Variants in CLOCK observed in about 807,000 individuals in gnomAD.
CLOCK encodes the protein circadian locomoter output cycles protein kaput.
In CLOCK, 43 loss-of-function variants were observed where a neutral mutation model predicts 118.4. That is an observed-to-expected ratio of 0.36 (90% CI 0.28 to 0.47). The LOEUF (loss-of-function observed/expected upper bound fraction) is 0.47, where lower values mean the gene tolerates loss of function less well. CLOCK is among the 20% of genes least tolerant of loss of function. The pLI, the probability that CLOCK is intolerant of heterozygous loss-of-function variation, is 1.00. For synonymous variants in CLOCK, 326 were observed against 339.2 expected (o/e 0.96, Z 0.43); for missense variants, 846 against 999.9 (o/e 0.85, Z 2.08).
chr4:55,480,178 T>C (rs558993571), intron 4 of CLOCK, among the ~76,000 whole-genome samples: 7 of 152,364 alleles, frequency 4.6e-5, no homozygotes, highest in African/African-American at 1.4e-4. Flanking sequence ...ATTTGACAAA[T>C]ATGTATTAGC....
chr4:55,498,365 T>G (rs1262006816), intron 2 of CLOCK, among the ~76,000 whole-genome samples: 1 of 152,138 alleles, frequency 6.6e-6, no homozygotes, highest in Non-Finnish European at 1.5e-5. Context: ...CTGAAAAGTA[T>G]TTCAAAGAAG....
At chr4:55,445,968 A>G (rs1001793031) in intron 18 of CLOCK, among the ~76,000 whole-genome samples, 4 of 151,654 alleles carry the variant, frequency 2.6e-5, no homozygotes, top group Admixed American at 2.6e-4. Context: ...ATAATTTTTT[A>G]TATTATTCCT....
intron 1 of CLOCK, among the ~76,000 whole-genome samples, chr4:55,539,234 AAAAAAC>A (rs370915256): frequency 0.056 from 2,264 of 40,390 alleles, 62 homozygotes; most frequent in African/African-American, 0.26. Context: ...GACTGTCTCA[AAAAAAC>A]AACAACAACA....
intron 18 of CLOCK, among the ~76,000 whole-genome samples, chr4:55,446,561 G>A (rs1378873704): frequency 2.0e-5 from 3 of 152,114 alleles, no homozygotes; most frequent in African/African-American, 7.2e-5. Context: ...GATAAGTATA[G>A]AACATGGGCT....
chr4:55,520,269 C>G (rs1729776177), intron 1 of CLOCK, among the ~76,000 whole-genome samples: 2 of 152,200 alleles, frequency 1.3e-5, no homozygotes, highest in South Asian at 4.1e-4. Context: ...TGCCCCCACA[C>G]CGATCAAGTG....
intron 9 of CLOCK, among the ~76,000 whole-genome samples, chr4:55,461,037 C>T (rs1186252082): frequency 6.6e-6 from 1 of 152,016 alleles, no homozygotes; most frequent in Admixed American, 6.6e-5. Context: ...GATCCTCCAG[C>T]TCAGCCTCGA....
In CLOCK at chr4:55,434,179, G is replaced by A. The variant is rs977154283; in HGVS notation, c.*1236C>T. The stretch of plus-strand genomic sequence containing the variant: ...GAAACCGGACAATGACTTCAAGATG[G>A]TGAGTTATCACCTGAATTAAAATCA... On this transcript the variant is annotated 3_prime_UTR_variant, in exon 23 of 23. Transcript: ENST00000513440. The A allele has an allele frequency of 2.0e-5, 3 of 152,722 alleles. No homozygotes were observed. The highest frequency in any genetic ancestry group is 7.2e-5 in the African/African-American group (3 of 41,564). 9.5% of individuals were successfully genotyped at this position (152,722 alleles called of 1,614,324 possible).
At chr4:55,522,202 A>T (rs1368323163) in intron 1 of CLOCK, among the ~76,000 whole-genome samples, 2 of 152,230 alleles carry the variant, frequency 1.3e-5, no homozygotes, top group South Asian at 4.1e-4. Context: ...TCATATCTAT[A>T]GAGGAGAAAA....
chr4:55,459,470 G>A (rs554853959), intron 9 of CLOCK, among the ~76,000 whole-genome samples: 3 of 152,260 alleles, frequency 2.0e-5, no homozygotes, highest in African/African-American at 7.2e-5. Context: ...ATTTTCTGGT[G>A]CAAACAACTT....
chr4:55,435,937 T>C (rs1722844067), intron 22 of CLOCK, among the ~76,000 whole-genome samples: 2 of 152,210 alleles, frequency 1.3e-5, no homozygotes, highest in African/African-American at 4.8e-5. Context: ...GTTATGACTA[T>C]ATGAAAAACA....
At chr4:55,527,283 T>C (rs1577858469) in intron 1 of CLOCK, among the ~76,000 whole-genome samples, 2 of 152,154 alleles carry the variant, frequency 1.3e-5, no homozygotes, top group Admixed American at 6.5e-5. Context: ...ACGAGAGTTG[T>C]TGAGTAAATA....
intron 14 of CLOCK, 94 bp downstream of exon 14, chr4:55,453,583 T>C (rs1724663030): frequency 9.9e-7 from 1 of 1,014,802 alleles, no homozygotes; most frequent in Non-Finnish European, 1.5e-6. Flanking sequence ...AAGAGCACTT[T>C]GTAGCTCTTT....
chr4:55,484,683 CT>C lies in CLOCK; in HGVS notation c.-43-1856del, dbSNP rs901716144. The stretch of plus-strand genomic sequence containing the variant: ...GAGTAAAAAGTTCAAAAGGCCAGAT[CT>C]GAGCCTTATAAGGCACCCAGTAAGT... On this transcript the variant is annotated intron_variant, in intron 3 of 22. Transcript: ENST00000513440. Among the ~76,000 whole-genome samples, 96 of 152,188 alleles carry C rather than the reference CT, an allele frequency of 6.3e-4. 1 individual carries two copies. Among genetic ancestry groups the C allele is most frequent in the South Asian group, 1.0e-3 (5 of 4,820 alleles).
rs548585737 is a variant in CLOCK at position 55,486,648 on chromosome 4, AC to A, written c.-44+2725del. ...TCAACAGTTTAGTTGGATACTGAAT[AC>A]CTGGTTGAAAATCACTTTTCCTTCT... On this transcript the variant is annotated intron_variant, in intron 3 of 22. Coordinates refer to ENST00000513440, the MANE Select transcript of CLOCK (RefSeq NM_004898.4). 2.4e-3 allele frequency: 372 copies of A among 152,290 alleles called. 2 individuals carry two copies. The highest frequency in any genetic ancestry group is 8.2e-3 in the African/African-American group (339 of 41,550). 9.4% of individuals were successfully genotyped at this position (152,290 alleles called of 1,614,324 possible). A position where few individuals can be genotyped will look rare whatever the true frequency, so the allele number is the denominator to read the frequency against.
chr4:55,510,458 C>G (rs1729067140), intron 1 of CLOCK, among the ~76,000 whole-genome samples: 1 of 151,926 alleles, frequency 6.6e-6, no homozygotes, highest in African/African-American at 2.4e-5. Context: ...GAAACCTCGT[C>G]CCTACTAAAA....
chr4:55,459,093 G>A (rs1725125074), intron 10 of CLOCK, 55 bp downstream of exon 10: 1 of 1,466,628 alleles, frequency 6.8e-7, no homozygotes, highest in Non-Finnish European at 9.6e-7. Flanking sequence ...ATGTCTTTAA[G>A]AGCACAGAAA....
At chr4:55,522,353 A>G (rs564348417) in intron 1 of CLOCK, among the ~76,000 whole-genome samples, 136 of 152,244 alleles carry the variant, frequency 8.9e-4, no homozygotes, top group African/African-American at 2.9e-3. Context: ...TCTAATTACC[A>G]AAATATCCCA....
intron 21 of CLOCK, among the ~76,000 whole-genome samples, chr4:55,441,444 A>G (rs1723360831): frequency 6.6e-6 from 1 of 152,222 alleles, no homozygotes; most frequent in Non-Finnish European, 1.5e-5. Flanking sequence ...TGGCTATCGC[A>G]GTACAGTTCA....
In CLOCK at chr4:55,479,645, C is replaced by T. The variant is rs140319729; in HGVS notation, c.102G>A (p.Ala34=). The stretch of plus-strand genomic sequence containing the variant: ...TATATCTCTAATCAAACTACCTTTT[C>T]GCTTTGTCCTTGTCATCTTCTTCCA... ...GLVEEDDKDK[A]KRVSRNKSEK... The change falls in exon 5 of 23, where the codon GCG becomes GCA. Residue 34 remains alanine, a synonymous_variant. Coordinates refer to ENST00000513440, the MANE Select transcript of CLOCK (RefSeq NM_004898.4). 1.3e-3 allele frequency: 2,098 copies of T among 1,610,084 alleles called. 25 individuals are homozygous for T. The African/African-American group carries it at 0.022, about 17-fold the overall frequency.
Sources: gnomAD v4.1 joint callset for allele counts (sites outside exome capture counted in the v4.1 genomes callset) on GRCh38, gnomAD v4.1.1 for gene constraint, MANE v1.5 for transcripts, NCBI Gene and HGNC (gene_info 2026-07-23, HGNC 2026-07-21) for gene names.